DLG2: variants seen among roughly 807,000 people sequenced by gnomAD.
DLG2 encodes discs large MAGUK scaffold protein 2, also known as disks large homolog 2.
A neutral mutation model predicts 132.5 loss-of-function variants in DLG2; 45 were observed. The observed-to-expected ratio is 0.34, with a 90% CI of 0.27 to 0.44. The LOEUF is 0.44. DLG2 is among the 20% of genes least tolerant of loss of function. The pLI is 1.00. For missense variants in DLG2, 1,045 were observed against 1,196.9 expected (o/e 0.87, Z 1.87); for synonymous variants, 424 against 419.6 (o/e 1.01, Z -0.13).
At chr11:85,475,784 G>C (rs1228984557) in intron 3 of DLG2, among the ~76,000 whole-genome samples, 4 of 152,084 alleles carry the variant, frequency 2.6e-5, no homozygotes, top group Admixed American at 2.6e-4. Context: ...AGCTGTGGCA[G>C]AGAGAAGCTC....
At chr11:84,978,491 C>T (rs980094939) in intron 6 of DLG2, among the ~76,000 whole-genome samples, 11 of 152,006 alleles carry the variant, frequency 7.2e-5, no homozygotes, top group Non-Finnish European at 7.4e-5. Context: ...ACAGAGCCCT[C>T]AGAAATGGAA....
At chr11:84,673,428 G>A (rs1430143896) in intron 6 of DLG2, among the ~76,000 whole-genome samples, 4 of 151,852 alleles carry the variant, frequency 2.6e-5, no homozygotes, top group Non-Finnish European at 5.9e-5. Context: ...AAAATAAGCT[G>A]TTTCCTCCTA....
At chr11:85,536,097 G>A (rs538209270) in intron 3 of DLG2, among the ~76,000 whole-genome samples, 46 of 151,034 alleles carry the variant, frequency 3.0e-4, no homozygotes, top group African/African-American at 1.1e-3. Flanking sequence ...CACACCTGTA[G>A]TCCAGCTACT....
At chr11:84,013,426 A>T (rs1365927493) in intron 11 of DLG2, among the ~76,000 whole-genome samples, 1 of 152,200 alleles carries the variant, frequency 6.6e-6, no homozygotes, top group East Asian at 1.9e-4. Context: ...CTGCAGCATC[A>T]GTGAGAAGTG....
At position 83,490,822 on chromosome 11, in the gene DLG2, T is replaced by C. The variant is rs556407831; in HGVS notation, c.2194-6594A>G. Among the ~76,000 whole-genome samples the C allele has an allele frequency of 2.0e-4, 30 of 151,930 alleles. 1 individual carries two copies. The highest frequency in any genetic ancestry group is 7.2e-4 in the African/African-American group (30 of 41,464). ...AAAACCATAAAAACTAAGGAATCAT[T>C]CTAGATTAAAGGAGATAAGGAAATA... is the stretch of plus-strand genomic sequence containing the variant. On this transcript the variant is annotated intron_variant, in intron 21 of 27. Transcript: ENST00000376104.
rs559572344 is a variant in DLG2 at position 84,554,862 on chromosome 11, A to G, written c.358-20131T>C. Among the ~76,000 whole-genome samples the G allele has an allele frequency of 5.3e-5, 8 of 152,334 alleles. No individual in the cohort carries two copies. In the East Asian group the frequency reaches 1.2e-3, roughly 22 times the overall value. On this transcript the variant is annotated intron_variant, in intron 6 of 27. Transcript: ENST00000376104. ...CAAGGATGCTTTCTGAAACAATGAC[A>G]TATTAACTGAAGTCAGAGGAATGAG...
chr11:84,938,768 G>C (rs148453558), intron 6 of DLG2, among the ~76,000 whole-genome samples: 88 of 152,232 alleles, frequency 5.8e-4, no homozygotes, highest in African/African-American at 2.0e-3. Context: ...GTGTCTAACT[G>C]TGAGTACACA....
intron 3 of DLG2, among the ~76,000 whole-genome samples, chr11:85,519,851 G>C (rs1203615942): frequency 6.6e-6 from 1 of 152,050 alleles, no homozygotes; most frequent in Admixed American, 6.6e-5. Flanking sequence ...TTATAAGGGG[G>C]AGTTTTCCAG....
intron 4 of DLG2, among the ~76,000 whole-genome samples, chr11:85,209,888 G>C (rs2082148004): frequency 6.6e-6 from 1 of 151,940 alleles, no homozygotes; most frequent in African/African-American, 2.4e-5. Context: ...GTCACACCAA[G>C]CAGACTCCTG....
chr11:84,062,144 G>T (rs1346395951), intron 10 of DLG2, among the ~76,000 whole-genome samples: 1 of 152,074 alleles, frequency 6.6e-6, no homozygotes, highest in Non-Finnish European at 1.5e-5. Flanking sequence ...ATCCTTAATT[G>T]TCAATTGCTG....
At chr11:85,319,543 C>A (rs556242493) in intron 3 of DLG2, among the ~76,000 whole-genome samples, 1 of 151,752 alleles carries the variant, frequency 6.6e-6, no homozygotes, top group African/African-American at 2.4e-5. Context: ...TGAAGAAAAG[C>A]CTCTTAATGT....
intron 15 of DLG2, among the ~76,000 whole-genome samples, chr11:83,900,040 G>C (rs1248220669): frequency 6.6e-6 from 1 of 152,204 alleles, no homozygotes; most frequent in African/African-American, 2.4e-5. Flanking sequence ...TGGAGCAAAG[G>C]TGACTCTTGG....
At chr11:84,492,420 C>T (rs577310165) in intron 7 of DLG2, among the ~76,000 whole-genome samples, 2 of 152,254 alleles carry the variant, frequency 1.3e-5, no homozygotes, top group South Asian at 4.1e-4. Flanking sequence ...CAATGTTCTA[C>T]TGGATTAGGC....
chr11:83,466,548 T>C (rs1173398224), intron 26 of DLG2, among the ~76,000 whole-genome samples, 160 bp downstream of exon 26: 1 of 152,230 alleles, frequency 6.6e-6, no homozygotes, highest in African/African-American at 2.4e-5. Flanking sequence ...TCTAGTTGTT[T>C]AAAAGAACTT....
chr11:84,642,557 G>C (rs1470368789), intron 6 of DLG2, among the ~76,000 whole-genome samples: 2 of 152,106 alleles, frequency 1.3e-5, no homozygotes, highest in Non-Finnish European at 2.9e-5. Flanking sequence ...GAAACAATAA[G>C]AGTGCCTGCC....
intron 5 of DLG2, among the ~76,000 whole-genome samples, chr11:85,119,345 T>C (rs547769498): frequency 9.9e-5 from 15 of 152,158 alleles, no homozygotes; most frequent in African/African-American, 3.4e-4. Context: ...CATGTCCCAA[T>C]ATTCTCTGAA....
At chr11:84,427,229 G>A (rs1274331031) in intron 7 of DLG2, among the ~76,000 whole-genome samples, 1 of 151,940 alleles carries the variant, frequency 6.6e-6, no homozygotes, top group Non-Finnish European at 1.5e-5. Context: ...AAAGGAAAAA[G>A]GGAATGAAGG....
rs561213704 is a variant in DLG2, at chr11:84,273,047, T to C, written c.520-21756A>G. The stretch of plus-strand genomic sequence containing the variant: ...AGAACTACAGAGAAAATAACTATGA[T>C]CATCAAATGCACAGAATTTATACAT... On this transcript the variant is annotated intron_variant, in intron 7 of 27. Transcript: ENST00000376104. 9.9e-6 allele frequency: 10 copies of C among 1,007,978 alleles called. No homozygotes were observed. The South Asian group carries it at 2.1e-4, about 21-fold the overall frequency. 62.4% of individuals were successfully genotyped at this position (1,007,978 alleles called of 1,614,324 possible).
intron 7 of DLG2, among the ~76,000 whole-genome samples, chr11:84,316,605 T>A (rs531095128): frequency 2.0e-5 from 3 of 152,160 alleles, no homozygotes; most frequent in South Asian, 4.2e-4. Flanking sequence ...TGAAGAAAAG[T>A]CAGTGAAATA....
Sources: allele counts gnomAD v4.1 joint callset (sites outside exome capture counted in the v4.1 genomes callset), GRCh38; gene constraint gnomAD v4.1.1; transcripts MANE v1.5; gene names NCBI Gene and HGNC (gene_info 2026-07-23, HGNC 2026-07-21).